The following SYTL2 variants were observed in gnomAD, a reference collection of about 807,000 sequenced individuals.
SYTL2 encodes the protein synaptotagmin-like protein 2.
SYTL2 carries 165 observed loss-of-function variants against 198.7 expected under a neutral mutation model. The ratio of observed to expected loss-of-function variants is 0.83; its 90% CI spans 0.73 to 0.94. SYTL2 has a LOEUF of 0.94. SYTL2 is among the 40% of genes least tolerant of loss of function. The pLI is 0.00. For synonymous variants in SYTL2, 966 were observed against 917.7 expected (o/e 1.05, Z -0.95); for missense variants, 2,835 against 2,582.8 (o/e 1.10, Z -2.12).
At chr11:85,777,626 T>C (rs1284259442) in intron 1 of SYTL2, among the ~76,000 whole-genome samples, 2 of 150,950 alleles carry the variant, frequency 1.3e-5, no homozygotes, top group Non-Finnish European at 3.0e-5. Flanking sequence ...GAATGGGATT[T>C]AATCCCCCCC....
intron 19 of SYTL2, 26 bp downstream of exon 19, chr11:85,696,157 A>G: frequency 6.2e-7 from 1 of 1,608,938 alleles, no homozygotes; most frequent in Non-Finnish European, 8.5e-7. Flanking sequence ...TGGCTCATGG[A>G]GAATTAAAAA....
At chr11:85,764,075 T>C (rs928851607) in intron 1 of SYTL2, among the ~76,000 whole-genome samples, 8 of 152,248 alleles carry the variant, frequency 5.3e-5, no homozygotes, top group African/African-American at 1.9e-4. Context: ...CAGGCTCACT[T>C]GGTTGGACTT....
chr11:85,788,977 T>C (rs1566025212), intron 1 of SYTL2, among the ~76,000 whole-genome samples: 1 of 151,340 alleles, frequency 6.6e-6, no homozygotes, highest in East Asian at 2.0e-4. Context: ...ATGTTCCCTA[T>C]AACAAGCAGA....
At chr11:85,793,824 C>T (rs1355581486) in intron 1 of SYTL2, among the ~76,000 whole-genome samples, 1 of 152,170 alleles carries the variant, frequency 6.6e-6, no homozygotes, top group Non-Finnish European at 1.5e-5. Context: ...ATTTGGCAAG[C>T]AATTGCATTT....
the SYTL2 span, among the ~76,000 whole-genome samples, chr11:85,825,248 C>T: frequency 7.2e-5 from 11 of 151,786 alleles, no homozygotes; most frequent in Admixed American, 6.6e-4. Context: ...ATTAGCCGGG[C>T]GTAGTGGCGG....
At position 85,727,011 on chromosome 11, in the gene SYTL2, G is replaced by C. The variant is rs1375190757; in HGVS notation, c.2347C>G (p.Gln783Glu). Residue 783 changes from glutamine (Q) to glutamate (E), a missense_variant, in exon 8 of 20, where the codon CAA (glutamine) becomes GAA (glutamate). This residue lies in a region of SYTL2 where 2,645 missense variants were observed against 2,381.7 expected (regional missense o/e 1.11). Transcript: ENST00000359152. ...QQEAGEVPKN[Q>E]VQREKYKRVS... is the part of the protein sequence containing the mutation. The stretch of plus-strand genomic sequence containing the variant: ...CTTTTGTATTTCTCTCTCTGCACTT[G>C]GTTCTTGGGAACCTCACCAGCTTCT... 9.8e-6 allele frequency: 15 copies of C among 1,536,278 alleles called. No homozygotes were observed. The highest frequency in any genetic ancestry group is 1.4e-5 in the African/African-American group (1 of 72,994).
At chr11:85,783,321 G>GA (rs1393685939) in intron 1 of SYTL2, among the ~76,000 whole-genome samples, 1 of 152,074 alleles carries the variant, frequency 6.6e-6, no homozygotes, top group African/African-American at 2.4e-5. Context: ...ACTATCACTA[G>GA]AATAGCAGCA....
chr11:85,798,002 C>T (rs1426669244), intron 1 of SYTL2, among the ~76,000 whole-genome samples: 1 of 149,630 alleles, frequency 6.7e-6, no homozygotes, highest in Non-Finnish European at 1.5e-5. Context: ...TACAGGTGCA[C>T]ACCACTATGC....
chr11:85,729,288 T>G (rs184129960), intron 7 of SYTL2, among the ~76,000 whole-genome samples: 163 of 152,322 alleles, frequency 1.1e-3, no homozygotes, highest in Non-Finnish European at 2.0e-3. Flanking sequence ...AGAATACACG[T>G]TCTTCTCAGC....
In SYTL2 at chr11:85,724,880, T is replaced by G; in HGVS notation, c.4478A>C (p.Glu1493Ala). The G allele has an allele frequency of 1.9e-6, 3 of 1,614,162 alleles. No homozygotes were observed. The highest frequency in any genetic ancestry group is 2.5e-6 in the Non-Finnish European group (3 of 1,180,024). The change falls in exon 8 of 20, where the codon GAG (glutamate) becomes GCG (alanine). Residue 1493 changes from glutamate (E) to alanine (A), a missense_variant. Glu to Ala is a moderately radical substitution (Grantham distance 107). Transcript: ENST00000359152. ...TAAGCCAGCACTGAATTCGAGGAAC[T>G]CTGATTTGGGTTGAACAATTGTTTC... ...VRETIVQPKS[E>A]FLEFSAGLEK...
chr11:85,810,913 C>G (rs558012571), intron 1 of SYTL2, 41 bp downstream of exon 1: 2 of 152,440 alleles, frequency 1.3e-5, no homozygotes, highest in South Asian at 4.1e-4. Context: ...CGAGGTAACA[C>G]AGCGAGTGGG....
the SYTL2 span, chr11:85,853,386 T>C: frequency 9.2e-6 from 4 of 434,022 alleles, no homozygotes; most frequent in Admixed American, 2.6e-5. Context: ...CTCTGAAACA[T>C]GTGCTGTGTC....
At chr11:85,716,725 C>CACAT (rs901679073) in intron 11 of SYTL2, 1 of 152,580 alleles carries the variant, frequency 6.6e-6, no homozygotes, top group African/African-American at 2.4e-5. Flanking sequence ...CACACACACA[C>CACAT]ACACACAGAG....
the SYTL2 span, among the ~76,000 whole-genome samples, chr11:85,831,183 T>C: frequency 7.2e-5 from 11 of 152,194 alleles, no homozygotes; most frequent in Admixed American, 3.9e-4. Flanking sequence ...TGTGCTTAAG[T>C]AGTCACTCTT....
At chr11:85,787,690 TTTTTC>T (rs56341439) in intron 1 of SYTL2, among the ~76,000 whole-genome samples, 16,001 of 119,594 alleles carry the variant, frequency 0.13, 743 homozygotes, top group South Asian at 0.26. Flanking sequence ...TTTCTGTTTT[TTTTTC>T]TTTTCCTTTT....
At chr11:85,721,164 G>A (rs921133532) in intron 8 of SYTL2, among the ~76,000 whole-genome samples, 4 of 152,066 alleles carry the variant, frequency 2.6e-5, no homozygotes, top group African/African-American at 7.2e-5. Flanking sequence ...AGAAATATTT[G>A]CAAACGTAAA....
intron 1 of SYTL2, among the ~76,000 whole-genome samples, chr11:85,766,612 T>C (rs1192357496): frequency 6.6e-6 from 1 of 152,146 alleles, no homozygotes. Context: ...TCCTCTCTCC[T>C]TGGAATGGCA....
chr11:85,824,113 T>C, the SYTL2 span, among the ~76,000 whole-genome samples: 8 of 152,356 alleles, frequency 5.3e-5, no homozygotes, highest in East Asian at 1.5e-3. Context: ...TACAGAGCAC[T>C]GTTTTAACTA....
chr11:85,700,138 A>G (rs2084043852), intron 17 of SYTL2, among the ~76,000 whole-genome samples: 1 of 152,204 alleles, frequency 6.6e-6, no homozygotes, highest in South Asian at 2.1e-4. Context: ...TAGAAACAGA[A>G]AGTAAAATGA....
Sources: gnomAD v4.1 joint callset for allele counts (sites outside exome capture counted in the v4.1 genomes callset) on GRCh38, gnomAD v4.1.1 for gene constraint, gnomAD v4.1.1 regional missense constraint, MANE v1.5 for transcripts, NCBI Gene and HGNC (gene_info 2026-07-23, HGNC 2026-07-21) for gene names.